Variants in SKP2 observed in about 807,000 individuals in gnomAD.
SKP2 encodes S-phase kinase-associated protein 2.
Under a neutral mutation model 51.8 loss-of-function variants are expected in SKP2, and 16 were observed. The ratio of observed to expected loss-of-function variants is 0.31; its 90% CI spans 0.21 to 0.47. The LOEUF (loss-of-function observed/expected upper bound fraction) is 0.47, where lower values mean the gene tolerates loss of function less well. SKP2 is among the 20% of genes least tolerant of loss of function. The pLI is 1.00. For synonymous variants in SKP2, 176 were observed against 198.6 expected, an observed-to-expected ratio of 0.89 and a Z score of 0.96; for missense variants, 377 against 505.3, an observed-to-expected ratio of 0.75 and a Z score of 2.43.
chr5:36,155,137 CAT>C (rs2111944647), intron 2 of SKP2: 1 of 152,316 alleles, frequency 6.6e-6, no homozygotes, highest in African/African-American at 2.4e-5. Context: ...TTTGGCAGCA[CAT>C]ATACTGAAAC....
chr5:36,182,479 G>A lies in SKP2; in HGVS notation c.*448G>A. 6.1e-6 allele frequency: 6 copies of A among 988,486 alleles called. No individual in the cohort carries two copies. The highest frequency in any genetic ancestry group is 7.2e-6 in the Non-Finnish European group (6 of 831,660). The allele number at this position is 988,486 out of a possible 1,614,324, so 61.2% of individuals were successfully genotyped here. On this transcript the variant is annotated 3_prime_UTR_variant, in exon 10 of 10. Coordinates refer to ENST00000274255, the MANE Select transcript of SKP2 (RefSeq NM_005983.4). ...GAACAATAAGCTATTTGTATTATGA[G>A]CTGAACAAAAAGAGAATCATAGGAT...
chr5:36,173,763 T>A (rs1410419906), intron 7 of SKP2, among the ~76,000 whole-genome samples: 1 of 152,146 alleles, frequency 6.6e-6, no homozygotes, highest in Admixed American at 6.6e-5. Flanking sequence ...GTTAGTTTTT[T>A]AATTATACCA....
Position 36,183,123 on chromosome 5 carries a change from A to G in SKP2, c.*1092A>G. 4.1e-6 allele frequency: 4 copies of G among 984,260 alleles called. No individual in the cohort carries two copies. Among genetic ancestry groups the G allele is most frequent in the Non-Finnish European group, 4.8e-6 (4 of 828,838 alleles). 61.0% of individuals were successfully genotyped at this position (984,260 alleles called of 1,614,324 possible). On this transcript the variant is annotated 3_prime_UTR_variant, in exon 10 of 10. Coordinates refer to ENST00000274255, the MANE Select transcript of SKP2 (RefSeq NM_005983.4). ...TCAGAAATATACAGTAGAAGCAGGT[A>G]TATCTTCCATGCAGTTTCAGTAGTA...
At chr5:36,178,413 G>A (rs1458182944) in intron 9 of SKP2, among the ~76,000 whole-genome samples, 1 of 152,126 alleles carries the variant, frequency 6.6e-6, no homozygotes, top group Admixed American at 6.5e-5. Flanking sequence ...AAATCTGGCA[G>A]CTACGCATTT....
Position 36,166,526 on chromosome 5 carries a change from G to T in SKP2, c.400G>T (p.Glu134Ter). The T allele has an allele frequency of 6.2e-7, 1 of 1,614,048 alleles. No individual in the cohort carries two copies. The highest frequency in any genetic ancestry group is 8.5e-7 in the Non-Finnish European group (1 of 1,179,970). ...CKRWYRLASD[E>*]SLWQTLDLTG... Reference sequence around the variant, plus strand: ...GTATCTCCTCTTTTATAGGTCTGATGAGTCTCTATGGCAGACCTTAGACCT... The same window carrying T: ...GTATCTCCTCTTTTATAGGTCTGATTAGTCTCTATGGCAGACCTTAGACCT... Residue 134 changes from glutamate to a stop codon, truncating the protein, a stop_gained, in exon 4 of 10, where the codon GAG becomes TAG. Coordinates refer to ENST00000274255, the MANE Select transcript of SKP2 (RefSeq NM_005983.4). LOFTEE classifies it high-confidence loss of function.
chr5:36,153,056 G>T lies in SKP2; in HGVS notation c.280+14G>T, dbSNP rs541150656. On this transcript the variant is annotated intron_variant, in intron 2 of 9. Transcript: ENST00000274255. ...AGAACTTTCCAGGTAAGGACATGAG[G>T]GTAAAAATGTCAGTTATGCAAAGGG... 1 of 1,607,546 alleles carries T rather than the reference G, an allele frequency of 6.2e-7. No individual in the cohort carries two copies. Among genetic ancestry groups the T allele is most frequent in the Admixed American group, 1.7e-5 (1 of 59,650 alleles).
chr5:36,176,482 A>G (rs1745635766), intron 7 of SKP2, among the ~76,000 whole-genome samples: 1 of 151,222 alleles, frequency 6.6e-6, no homozygotes, highest in South Asian at 2.1e-4. Flanking sequence ...ATACAAAAAT[A>G]TTATTTTTGT....
At chr5:36,169,260 C>T (rs1460478131) in intron 5 of SKP2, among the ~76,000 whole-genome samples, 1 of 152,062 alleles carries the variant, frequency 6.6e-6, no homozygotes, top group Non-Finnish European at 1.5e-5. Context: ...GCCTGGCCAA[C>T]ATGGTGAAAT....
At chr5:36,162,151 G>T (rs2111965022) in intron 2 of SKP2, among the ~76,000 whole-genome samples, 1 of 152,328 alleles carries the variant, frequency 6.6e-6, no homozygotes, top group Middle Eastern at 3.4e-3. Flanking sequence ...CCTGTGCTCA[G>T]AATCTTCTAG....
intron 9 of SKP2, among the ~76,000 whole-genome samples, chr5:36,179,465 C>A (rs1433635993): frequency 1.3e-5 from 2 of 152,100 alleles, no homozygotes; most frequent in Non-Finnish European, 2.9e-5. Context: ...TTCCCCAGGA[C>A]CTATTCCCAT....
chr5:36,183,574 A>T lies in SKP2; in HGVS notation c.*1543A>T. Reference sequence around the variant, plus strand: ...GAGCAACTGCGCCCAGCCAAATTCTACTTCTTAAAAATCACAAAAACTAGT... The same window carrying T: ...GAGCAACTGCGCCCAGCCAAATTCTTCTTCTTAAAAATCACAAAAACTAGT... On this transcript the variant is annotated 3_prime_UTR_variant, in exon 10 of 10. Transcript: ENST00000274255. 1 of 1,060,126 alleles carries T rather than the reference A, an allele frequency of 9.4e-7. No homozygotes were observed. Among genetic ancestry groups the T allele is most frequent in the Non-Finnish European group, 1.1e-6 (1 of 879,664 alleles). The allele number at this position is 1,060,126 out of a possible 1,614,324, so 65.7% of individuals were successfully genotyped here.
At chr5:36,188,294 C>T (rs965387250), downstream of SKP2, among the ~76,000 whole-genome samples, 1 of 152,164 alleles carries the variant, frequency 6.6e-6, no homozygotes, top group African/African-American at 2.4e-5. Flanking sequence ...GGTTATTTTG[C>T]TCGTTAGTTG....
intron 6 of SKP2, among the ~76,000 whole-genome samples, chr5:36,171,175 G>C (rs1049683904): frequency 3.9e-5 from 6 of 152,210 alleles, no homozygotes; most frequent in African/African-American, 1.4e-4. Context: ...CAGAAGCACA[G>C]TAAGACGAAG....
At chr5:36,184,888 A>G (rs896378846), downstream of SKP2, among the ~76,000 whole-genome samples, 4 of 152,202 alleles carry the variant, frequency 2.6e-5, no homozygotes, top group African/African-American at 4.8e-5. Flanking sequence ...AACAGTATAA[A>G]AGTGATCCTA....
chr5:36,152,209 C>T lies in SKP2; in HGVS notation c.-54C>T. On this transcript the variant is annotated 5_prime_UTR_variant, in exon 1 of 10. Coordinates refer to ENST00000274255, the MANE Select transcript of SKP2 (RefSeq NM_005983.4). ...CGCGCCAAAGCGGGAATCTGGGAGG[C>T]GAGCAGCTCTGCAGTTAATGCACGT... 1.2e-6 allele frequency: 2 copies of T among 1,605,074 alleles called. No individual in the cohort carries two copies. The highest frequency in any genetic ancestry group is 1.7e-6 in the Non-Finnish European group (2 of 1,172,238).
chr5:36,152,218 C>T lies in SKP2; in HGVS notation c.-45C>T, dbSNP rs377084461. On this transcript the variant is annotated 5_prime_UTR_variant, in exon 1 of 10. Transcript: ENST00000274255. ...GCGGGAATCTGGGAGGCGAGCAGCT[C>T]TGCAGTTAATGCACGTATTTTAAAC... is the stretch of plus-strand genomic sequence containing the variant. 1.7e-5 allele frequency: 27 copies of T among 1,610,966 alleles called. No individual in the cohort carries two copies. Among genetic ancestry groups the T allele is most frequent in the Non-Finnish European group, 2.3e-5 (27 of 1,177,380 alleles).
Position 36,193,043 on chromosome 5 carries a change from A to G in SKP2, c.707+348A>G, listed in dbSNP as rs556460303. The G allele has an allele frequency of 3.9e-5, 6 of 152,338 alleles. No homozygotes were observed. In the East Asian group the frequency reaches 5.8e-4, roughly 15 times the overall value. 9.4% of individuals were successfully genotyped at this position (152,338 alleles called of 1,614,324 possible). A position where few individuals can be genotyped will look rare whatever the true frequency, so the allele number is the denominator to read the frequency against. ...GAAATTATATCACAAATGGAGCACA[A>G]TAAGTATTTTTAAAACCTTTTAAAA... On this transcript the variant is annotated intron_variant, in intron 7 of 7. Coordinates refer to the SKP2 transcript ENST00000677886.
At chr5:36,188,035 C>G (rs1157360196), downstream of SKP2, among the ~76,000 whole-genome samples, 1 of 152,202 alleles carries the variant, frequency 6.6e-6, no homozygotes, top group African/African-American at 2.4e-5. Flanking sequence ...TCTGTTTTAT[C>G]AGAGACTAGG....
intron 4 of SKP2, among the ~76,000 whole-genome samples, chr5:36,167,808 C>T (rs1745336178): frequency 2.0e-5 from 3 of 152,112 alleles, no homozygotes; most frequent in South Asian, 2.1e-4. Context: ...TTAGTAGAGA[C>T]TGGGTTTCAC....
Sources: allele counts gnomAD v4.1 joint callset (sites outside exome capture counted in the v4.1 genomes callset), GRCh38; gene constraint gnomAD v4.1.1; transcripts MANE v1.5; gene names NCBI Gene and HGNC (gene_info 2026-07-23, HGNC 2026-07-21).